Variants in RUFY3 observed in about 807,000 individuals in gnomAD.
RUFY3 encodes protein RUFY3.
Under a neutral mutation model 84.0 loss-of-function variants are expected in RUFY3, and 34 were observed. The observed-to-expected ratio is 0.40, with a 90% CI of 0.31 to 0.54. RUFY3 has a LOEUF of 0.54. Ranked by LOEUF, RUFY3 falls within the 20% of genes least tolerant of loss-of-function variation. The probability of loss-of-function intolerance (pLI) is 0.39; values close to 1 mark genes in which losing one functional copy is unlikely to be tolerated. For missense variants in RUFY3, 507 were observed against 736.8 expected (o/e 0.69, Z 3.61); for synonymous variants, 242 against 252.9 (o/e 0.96, Z 0.41).
chr4:70,734,597 A>G (rs150491599), intron 1 of RUFY3: 1 of 981,652 alleles, frequency 1.0e-6, no homozygotes, highest in Non-Finnish European at 1.2e-6. Context: ...TTTCAAGGTA[A>G]GTTTTACCCA....
chr4:70,724,169 G>A (rs934217439), intron 1 of RUFY3, among the ~76,000 whole-genome samples: 2 of 151,770 alleles, frequency 1.3e-5, no homozygotes, highest in African/African-American at 2.4e-5. Context: ...TCAAAACATC[G>A]TTACATCCAA....
Position 70,794,044 on chromosome 4 carries a change from G to T in RUFY3, c.1457+140G>T, listed in dbSNP as rs187606247. The T allele has an allele frequency of 2.9e-4, 266 of 910,636 alleles. No homozygotes were observed. The African/African-American group carries it at 4.2e-3, about 14-fold the overall frequency. 56.4% of individuals were successfully genotyped at this position (910,636 alleles called of 1,614,324 possible). On this transcript the variant is annotated intron_variant, in intron 13 of 17. Transcript: ENST00000381006. ...TTTCTCTGGAATTGGAATTCAGAAA[G>T]CTTCACGTACTTCAACATTCCCCAA...
Position 70,793,840 on chromosome 4 carries a change from A to G in RUFY3, c.1393A>G (p.Lys465Glu). 1 of 1,614,142 alleles carries G rather than the reference A, an allele frequency of 6.2e-7. No individual in the cohort carries two copies. The highest frequency in any genetic ancestry group is 8.5e-7 in the Non-Finnish European group (1 of 1,180,032). ...TGCTGAGTTGGACAACCGGCTCTTC[A>G]AACAGGACTTTGGAGACAAGATCAA... The part of the protein sequence containing the change: ...QSAELDNRLF[K>E]QDFGDKINSL... Residue 465 changes from lysine to glutamate, a missense_variant, in exon 13 of 18, where the codon AAA becomes GAA. Lys to Glu is a moderately conservative substitution (Grantham distance 56). Coordinates refer to ENST00000381006, the MANE Select transcript of RUFY3 (RefSeq NM_001037442.4).
chr4:70,723,137 A>G (rs1438758606), intron 1 of RUFY3, among the ~76,000 whole-genome samples: 2 of 152,198 alleles, frequency 1.3e-5, no homozygotes, highest in Non-Finnish European at 2.9e-5. Context: ...CAACATGACT[A>G]TAATTATAGG....
At chr4:70,792,294 G>C (rs1356037346) in intron 12 of RUFY3, 1 of 981,656 alleles carries the variant, frequency 1.0e-6, no homozygotes, top group Non-Finnish European at 1.2e-6. Flanking sequence ...ATGGGGATTT[G>C]CTAAAGGTTC....
intron 7 of RUFY3, among the ~76,000 whole-genome samples, chr4:70,777,590 A>G (rs1024260561): frequency 3.9e-5 from 6 of 152,212 alleles, no homozygotes; most frequent in South Asian, 4.1e-4. Context: ...ACTTTAATGA[A>G]CTATGGAGAT....
At position 70,785,924 on chromosome 4, in the gene RUFY3, C is replaced by G. The variant is rs145735131; in HGVS notation, c.1071+1045C>G. On this transcript the variant is annotated intron_variant, in intron 10 of 17. Transcript: ENST00000381006. ...GGGATATATCCAAAGGAAATGAAAT[C>G]AGTATGTCAGAGAGAATCTGTACTC... 1.1e-4 allele frequency among the ~76,000 whole-genome samples: 17 copies of G among 152,296 alleles called. 1 individual carries two copies. Among genetic ancestry groups the G allele is most frequent in the African/African-American group, 3.8e-4 (16 of 41,572 alleles).
chr4:70,748,309 A>G (rs908460699), intron 1 of RUFY3, among the ~76,000 whole-genome samples: 15 of 151,844 alleles, frequency 9.9e-5, no homozygotes, highest in African/African-American at 3.6e-4. Context: ...TATTTTCTCC[A>G]CCTGACTTCA....
chr4:70,764,202 T>G (rs1725464501), intron 3 of RUFY3, among the ~76,000 whole-genome samples: 1 of 152,224 alleles, frequency 6.6e-6, no homozygotes, highest in African/African-American at 2.4e-5. Context: ...CTATTATTGA[T>G]CTGATGGAAC....
intron 14 of RUFY3, among the ~76,000 whole-genome samples, chr4:70,798,477 A>G (rs935689843): frequency 6.6e-6 from 1 of 152,142 alleles, no homozygotes; most frequent in Non-Finnish European, 1.5e-5. Flanking sequence ...TGCCTCAGAA[A>G]AAAATGTAGC....
chr4:70,775,049 G>T, intron 6 of RUFY3, 119 bp from the exon 7 acceptor site: 2 of 607,028 alleles, frequency 3.3e-6, no homozygotes, highest in Non-Finnish European at 5.8e-6. Context: ...TTATGGTTCA[G>T]TGTATCTGTG....
At chr4:70,779,049 T>G (rs901974004) in intron 8 of RUFY3, among the ~76,000 whole-genome samples, 6 of 152,252 alleles carry the variant, frequency 3.9e-5, no homozygotes, top group Non-Finnish European at 7.3e-5. Context: ...ATATAGCATA[T>G]TCATCATTTA....
chr4:70,749,392 T>C (rs532385837), intron 1 of RUFY3, among the ~76,000 whole-genome samples: 3 of 152,114 alleles, frequency 2.0e-5, no homozygotes, highest in African/African-American at 7.2e-5. Context: ...TTGTGCAAGC[T>C]AATATATTTT....
chr4:70,759,965 G>A (rs1216604474), intron 1 of RUFY3, among the ~76,000 whole-genome samples: 3 of 152,040 alleles, frequency 2.0e-5, no homozygotes, highest in Non-Finnish European at 4.4e-5. Flanking sequence ...TTTCAGAACA[G>A]AGCCCCATAA....
intron 4 of RUFY3, among the ~76,000 whole-genome samples, chr4:70,765,007 G>A (rs889021124): frequency 1.3e-5 from 2 of 151,800 alleles, no homozygotes; most frequent in African/African-American, 4.8e-5. Flanking sequence ...TCAATATGTC[G>A]AAACCCTATC....
At chr4:70,751,178 G>A (rs1723074744) in intron 1 of RUFY3, among the ~76,000 whole-genome samples, 1 of 152,200 alleles carries the variant, frequency 6.6e-6, no homozygotes, top group South Asian at 2.1e-4. Context: ...CACCCAGGTA[G>A]TGAGCATAGT....
chr4:70,779,513 A>G (rs975553476), intron 8 of RUFY3, among the ~76,000 whole-genome samples: 7 of 152,030 alleles, frequency 4.6e-5, no homozygotes, highest in Non-Finnish European at 8.8e-5. Flanking sequence ...AAATAGCATT[A>G]GATGGTTTTA....
At chr4:70,779,867 C>G (rs987284263) in intron 8 of RUFY3, among the ~76,000 whole-genome samples, 4 of 152,162 alleles carry the variant, frequency 2.6e-5, no homozygotes, top group Admixed American at 2.6e-4. Flanking sequence ...GCCACTGCGC[C>G]TGGCCCACCT....
At chr4:70,713,347 G>A (rs1741207517) in intron 1 of RUFY3, among the ~76,000 whole-genome samples, 1 of 152,142 alleles carries the variant, frequency 6.6e-6, no homozygotes, top group African/African-American at 2.4e-5. Flanking sequence ...GAGTTACAAA[G>A]CAAAGCAGTG....
Sources: gnomAD v4.1 joint callset for allele counts (sites outside exome capture counted in the v4.1 genomes callset) on GRCh38, gnomAD v4.1.1 for gene constraint, MANE v1.5 for transcripts, NCBI Gene and HGNC (gene_info 2026-07-23, HGNC 2026-07-21) for gene names.